ASTN2: variants seen among roughly 807,000 people sequenced by gnomAD.
The protein encoded by ASTN2 is astrotactin-2.
ASTN2 carries 54 observed loss-of-function variants against 139.8 expected under a neutral mutation model. The observed-to-expected ratio is 0.39, with a 90% confidence interval of 0.31 to 0.48. The LOEUF is 0.48. Ranked by LOEUF, ASTN2 falls within the 20% of genes least tolerant of loss-of-function variation. ASTN2 has a pLI of 0.95. For missense variants in ASTN2, 1,565 were observed against 1,725.1 expected, an observed-to-expected ratio of 0.91 and a Z score of 1.64; for synonymous variants, 756 against 719.5, an observed-to-expected ratio of 1.05 and a Z score of -0.81.
intron 2 of ASTN2, among the ~76,000 whole-genome samples, chr9:117,249,055 A>G (rs576246012): frequency 6.6e-6 from 1 of 152,320 alleles, no homozygotes; most frequent in South Asian, 2.1e-4. Context: ...TAAATTTTTC[A>G]GTGAGTATTT....
intron 16 of ASTN2, among the ~76,000 whole-genome samples, chr9:116,687,773 G>T (rs1324335408): frequency 2.6e-5 from 4 of 151,964 alleles, no homozygotes. Flanking sequence ...TGAAGGAACT[G>T]GGGGGCCCCG....
chr9:116,992,492 C>T (rs934018163), intron 7 of ASTN2, among the ~76,000 whole-genome samples: 1 of 152,136 alleles, frequency 6.6e-6, no homozygotes, highest in Non-Finnish European at 1.5e-5. Flanking sequence ...GGGTTATCAC[C>T]TAAAAATGAG....
chr9:116,458,244 G>A (rs1848389407), intron 20 of ASTN2, among the ~76,000 whole-genome samples: 1 of 150,658 alleles, frequency 6.6e-6, no homozygotes, highest in Non-Finnish European at 1.5e-5. Context: ...GGAAAAGAGG[G>A]GTTGGTTAAT....
At chr9:116,827,171 C>T (rs1013715843) in intron 11 of ASTN2, among the ~76,000 whole-genome samples, 2 of 151,296 alleles carry the variant, frequency 1.3e-5, no homozygotes, top group Non-Finnish European at 2.9e-5. Flanking sequence ...TAGCCGGGTG[C>T]GGTGGTGCAT....
chr9:117,273,760 C>T (rs950677462), intron 2 of ASTN2, among the ~76,000 whole-genome samples: 1 of 152,162 alleles, frequency 6.6e-6, no homozygotes, highest in Admixed American at 6.5e-5. Context: ...TTTATAACTT[C>T]CAGAGACCAA....
intron 1 of ASTN2, among the ~76,000 whole-genome samples, chr9:117,386,881 C>T (rs1830413849): frequency 6.6e-6 from 1 of 152,176 alleles, no homozygotes; most frequent in South Asian, 2.1e-4. Flanking sequence ...AAGAGCAACA[C>T]TTTGTGTTGT....
intron 16 of ASTN2, chr9:116,697,776 G>A: frequency 1.2e-6 from 2 of 1,614,104 alleles, no homozygotes; most frequent in Non-Finnish European, 8.5e-7. Flanking sequence ...CCTGAACCTG[G>A]ATGCCCTCCG....
chr9:116,677,731 C>A (rs1042218574), intron 16 of ASTN2, among the ~76,000 whole-genome samples: 2 of 152,148 alleles, frequency 1.3e-5, no homozygotes, highest in Non-Finnish European at 2.9e-5. Flanking sequence ...GTATTTCCCT[C>A]CTTTTGGGGA....
At chr9:116,568,389 T>C (rs1369155833) in intron 19 of ASTN2, 1 of 152,190 alleles carries the variant, frequency 6.6e-6, no homozygotes, top group Non-Finnish European at 1.5e-5. Flanking sequence ...TAGGAGATGT[T>C]AAGTAGATGA....
chr9:117,228,371 A>G (rs980686192), intron 2 of ASTN2, among the ~76,000 whole-genome samples: 4 of 152,138 alleles, frequency 2.6e-5, no homozygotes, highest in Non-Finnish European at 5.9e-5. Context: ...ACCTATTACA[A>G]GTCACACAAT....
intron 11 of ASTN2, among the ~76,000 whole-genome samples, chr9:116,827,529 A>C (rs965097122): frequency 3.3e-5 from 5 of 152,072 alleles, no homozygotes; most frequent in Admixed American, 3.3e-4. Flanking sequence ...AATAAATACA[A>C]CCAGAAATAT....
intron 6 of ASTN2, among the ~76,000 whole-genome samples, chr9:117,020,647 C>T (rs1042135097): frequency 6.6e-6 from 1 of 152,072 alleles, no homozygotes; most frequent in Non-Finnish European, 1.5e-5. Context: ...TTGAATTTAG[C>T]CCACACTTTC....
At chr9:116,821,380 C>T (rs190913385) in intron 11 of ASTN2, among the ~76,000 whole-genome samples, 44 of 152,272 alleles carry the variant, frequency 2.9e-4, no homozygotes, top group East Asian at 1.2e-3. Context: ...TACCTTACTT[C>T]GGAATTTGGC....
At chr9:116,903,613 A>G (rs1834076891) in intron 10 of ASTN2, among the ~76,000 whole-genome samples, 2 of 152,090 alleles carry the variant, frequency 1.3e-5, no homozygotes, top group Non-Finnish European at 2.9e-5. Flanking sequence ...CTGGGTGCTG[A>G]ACCCACCTCC....
chr9:116,761,026 C>A (rs544789297), intron 13 of ASTN2, among the ~76,000 whole-genome samples: 1 of 152,322 alleles, frequency 6.6e-6, no homozygotes, highest in South Asian at 2.1e-4. Context: ...AAATGGGCAG[C>A]TCTGGCTGGC....
At chr9:117,316,411 A>C (rs547593242) in intron 1 of ASTN2, among the ~76,000 whole-genome samples, 1 of 152,136 alleles carries the variant, frequency 6.6e-6, no homozygotes, top group East Asian at 1.9e-4. Flanking sequence ...GGGAGAGATA[A>C]AGAATTGTAT....
intron 7 of ASTN2, among the ~76,000 whole-genome samples, chr9:117,003,949 C>CGTGTGTGTGTGTGT (rs1414573515): frequency 7.8e-6 from 1 of 128,676 alleles, no homozygotes; most frequent in African/African-American, 3.6e-5. Context: ...CACGCGCGCG[C>CGTGTGTGTGTGTGT]GCGCGTGTGT....
chr9:117,087,218 T>G (rs1009929557), intron 5 of ASTN2, among the ~76,000 whole-genome samples: 3 of 150,430 alleles, frequency 2.0e-5, no homozygotes, highest in South Asian at 2.1e-4. Context: ...ATTTTTTTCT[T>G]TTTGTTTGTT....
chr9:117,405,634 T>C (rs903855163), intron 1 of ASTN2, among the ~76,000 whole-genome samples: 2 of 152,176 alleles, frequency 1.3e-5, no homozygotes, highest in African/African-American at 4.8e-5. Context: ...TGGCATCTGC[T>C]TTACCACAGG....
Sources: allele counts gnomAD v4.1 joint callset (sites outside exome capture counted in the v4.1 genomes callset), GRCh38; gene constraint gnomAD v4.1.1; transcripts MANE v1.5; gene names NCBI Gene and HGNC (gene_info 2026-07-23, HGNC 2026-07-21).